Variants in ULK4 observed in about 807,000 individuals in gnomAD.
ULK4 encodes unc-51 like kinase 4.
Under a neutral mutation model 160.6 loss-of-function variants are expected in ULK4, and 133 were observed. The ratio of observed to expected loss-of-function variants is 0.83; its 90% CI spans 0.72 to 0.96. The LOEUF is 0.96. Ranked by LOEUF, ULK4 falls within the 40% of genes least tolerant of loss-of-function variation. ULK4 has a pLI of 0.00. For missense variants in ULK4, 1,580 were observed against 1,499.5 expected (o/e 1.05, Z -0.89); for synonymous variants, 534 against 539.8 (o/e 0.99, Z 0.15).
rs765268340 is a variant in ULK4, at chr3:41,911,535, A to G, written c.1015+6T>C. 21 of 1,611,420 alleles carry G rather than the reference A, an allele frequency of 1.3e-5. No individual in the cohort carries two copies. Among genetic ancestry groups the G allele is most frequent in the Admixed American group, 8.3e-5 (5 of 59,964 alleles). On this transcript the variant is annotated splice_donor_region_variant and intron_variant, in intron 10 of 36. Transcript: ENST00000301831. ...AGTAGCATGAATGTGCTCAAATAAAACTTACCTAGTCTGAAAGAGTGACCT... is the reference window on the plus strand; with the variant it reads ...AGTAGCATGAATGTGCTCAAATAAAGCTTACCTAGTCTGAAAGAGTGACCT...
chr3:41,800,842 T>A (rs1484166751), intron 19 of ULK4, among the ~76,000 whole-genome samples: 1 of 152,130 alleles, frequency 6.6e-6, no homozygotes, highest in East Asian at 1.9e-4. Context: ...GTCCTAGCGG[T>A]GCTAAAAAGT....
chr3:41,836,334 G>A (rs932460566), intron 17 of ULK4, among the ~76,000 whole-genome samples: 5 of 151,928 alleles, frequency 3.3e-5, no homozygotes, highest in Non-Finnish European at 4.4e-5. Context: ...CACCAAGTCC[G>A]GCTAATTTTT....
intron 32 of ULK4, among the ~76,000 whole-genome samples, chr3:41,471,759 G>A (rs891137721): frequency 6.6e-6 from 1 of 151,844 alleles, no homozygotes. Context: ...AACAACCAAT[G>A]AGTTAATAAA....
At chr3:41,875,276 G>A (rs1697258242) in intron 17 of ULK4, among the ~76,000 whole-genome samples, 1 of 152,158 alleles carries the variant, frequency 6.6e-6, no homozygotes, top group Non-Finnish European at 1.5e-5. Flanking sequence ...GTTGAGGCCA[G>A]GTGTGATAGC....
At chr3:41,590,461 CAAAA>C (rs71075479) in intron 31 of ULK4, among the ~76,000 whole-genome samples, 3 of 56,914 alleles carry the variant, frequency 5.3e-5, no homozygotes, top group African/African-American at 6.9e-5. Context: ...ACTAAAAATA[CAAAA>C]AAAAAAAAAA....
intron 32 of ULK4, among the ~76,000 whole-genome samples, chr3:41,524,081 A>G (rs2086025910): frequency 6.6e-6 from 1 of 152,220 alleles, no homozygotes; most frequent in Non-Finnish European, 1.5e-5. Context: ...ATGCAAATCT[A>G]TAACGACAAA....
At chr3:41,317,249 G>A (rs1365115479) in intron 35 of ULK4, among the ~76,000 whole-genome samples, 24 of 151,464 alleles carry the variant, frequency 1.6e-4, no homozygotes, top group African/African-American at 4.8e-4. Flanking sequence ...CTAATTTTTT[G>A]TATTTTTAGT....
intron 19 of ULK4, among the ~76,000 whole-genome samples, chr3:41,816,878 A>C (rs1559575664): frequency 6.6e-6 from 1 of 152,238 alleles, no homozygotes; most frequent in Non-Finnish European, 1.5e-5. Flanking sequence ...ATGGGTTAAT[A>C]AGTACTTCCA....
chr3:41,560,592 T>A (rs1381367947), intron 32 of ULK4, among the ~76,000 whole-genome samples: 1 of 152,252 alleles, frequency 6.6e-6, no homozygotes, highest in African/African-American at 2.4e-5. Flanking sequence ...CCTTTTAAGT[T>A]GGATTCCTAG....
intron 35 of ULK4, among the ~76,000 whole-genome samples, chr3:41,327,325 C>T (rs919502397): frequency 1.3e-5 from 2 of 152,154 alleles, no homozygotes; most frequent in Non-Finnish European, 2.9e-5. Context: ...TACCTTATTA[C>T]ATCAAATGCA....
chr3:41,557,167 G>A (rs1443670853), intron 32 of ULK4, among the ~76,000 whole-genome samples: 2 of 151,974 alleles, frequency 1.3e-5, no homozygotes, highest in African/African-American at 2.4e-5. Context: ...TTTGACAAAT[G>A]TCATTATTCC....
intron 32 of ULK4, among the ~76,000 whole-genome samples, chr3:41,555,445 A>G (rs2087255216): frequency 6.6e-6 from 1 of 152,192 alleles, no homozygotes; most frequent in Non-Finnish European, 1.5e-5. Context: ...TGATCATCAG[A>G]GAAATGCAAA....
rs192677947 is a variant in ULK4 at position 41,886,352 on chromosome 3, C to A, written c.1578-2400G>T. 3.3e-5 allele frequency among the ~76,000 whole-genome samples: 5 copies of A among 152,280 alleles called. No homozygotes were observed. In the East Asian group the frequency reaches 9.7e-4, roughly 29 times the overall value. The stretch of plus-strand genomic sequence containing the variant: ...AGGCAGGGCTGTATCCCGATCGCCA[C>A]TGTAACACCTGAACAGTTTGTTGAA... On this transcript the variant is annotated intron_variant, in intron 16 of 36. Coordinates refer to ENST00000301831, the MANE Select transcript of ULK4 (RefSeq NM_017886.4).
Position 41,249,487 on chromosome 3 carries a change from A to C in ULK4, c.3764+2T>G, listed in dbSNP as rs1575351283. ...CTGCTGATCCTCCTGGGTCCCACTT[A>C]CCCACTCCCAGGGGCCAGCCGCTCC... On this transcript the variant is annotated splice_donor_variant, in intron 36 of 36. Coordinates refer to ENST00000301831, the MANE Select transcript of ULK4 (RefSeq NM_017886.4). LOFTEE classifies it high-confidence loss of function. 1 of 1,612,744 alleles carries C rather than the reference A, an allele frequency of 6.2e-7. No individual in the cohort carries two copies. Among genetic ancestry groups the C allele is most frequent in the Non-Finnish European group, 8.5e-7 (1 of 1,179,462 alleles).
intron 34 of ULK4, among the ~76,000 whole-genome samples, chr3:41,416,547 T>C (rs1410060699): frequency 2.0e-5 from 3 of 152,206 alleles, no homozygotes; most frequent in Non-Finnish European, 2.9e-5. Context: ...TCCCTTTGAA[T>C]ACTTTACAAC....
At chr3:41,483,826 G>A (rs1052953204) in intron 32 of ULK4, among the ~76,000 whole-genome samples, 4 of 152,160 alleles carry the variant, frequency 2.6e-5, no homozygotes, top group Admixed American at 1.3e-4. Context: ...TCAGAGGGAG[G>A]CAGGAGACCA....
chr3:41,410,782 C>T (rs897288790), intron 34 of ULK4, among the ~76,000 whole-genome samples: 1 of 152,158 alleles, frequency 6.6e-6, no homozygotes, highest in Non-Finnish European at 1.5e-5. Context: ...CCAAACTAGA[C>T]AGTCACCTAC....
At chr3:41,445,963 G>A (rs9820347) in intron 34 of ULK4, among the ~76,000 whole-genome samples, 79,809 of 150,932 alleles carry the variant, frequency 0.53, 21,491 homozygotes, top group East Asian at 0.68. Context: ...GAAAATTTTC[G>A]CAACCTACTC....
At chr3:41,808,327 C>T (rs376118014) in intron 19 of ULK4, among the ~76,000 whole-genome samples, 12 of 152,162 alleles carry the variant, frequency 7.9e-5, no homozygotes, top group African/African-American at 1.2e-4. Flanking sequence ...GTTCCTAGGA[C>T]TCATTCCTAG....
Sources: allele counts gnomAD v4.1 joint callset (sites outside exome capture counted in the v4.1 genomes callset), GRCh38; gene constraint gnomAD v4.1.1; transcripts MANE v1.5; gene names NCBI Gene and HGNC (gene_info 2026-07-23, HGNC 2026-07-21).